Variants in LINGO1 observed in about 807,000 individuals in gnomAD.
LINGO1 encodes the protein leucine-rich repeat and immunoglobulin-like domain-containing nogo receptor-interacting protein 1.
A neutral mutation model predicts 37.3 loss-of-function variants in LINGO1; 11 were observed. The ratio of observed to expected loss-of-function variants is 0.29; its 90% CI spans 0.19 to 0.49. The LOEUF is 0.49. Ranked by LOEUF, LINGO1 falls within the 20% of genes least tolerant of loss-of-function variation. LINGO1 has a pLI of 0.99. For missense variants in LINGO1, 585 were observed against 878.2 expected (o/e 0.67, Z 4.22); for synonymous variants, 387 against 403.0 (o/e 0.96, Z 0.48).
At chr15:77,727,090 T>A (rs2076109859) in intron 2 of LINGO1, among the ~76,000 whole-genome samples, 1 of 152,182 alleles carries the variant, frequency 6.6e-6, no homozygotes, top group Admixed American at 6.5e-5. Flanking sequence ...AAATAAGTAT[T>A]TGCAAGGACA....
intron 3 of LINGO1, among the ~76,000 whole-genome samples, chr15:77,646,988 A>C (rs1283847900): frequency 1.3e-5 from 2 of 151,576 alleles, no homozygotes; most frequent in Non-Finnish European, 2.9e-5. Flanking sequence ...GGGGAGGCTA[A>C]GGAGCTTGCC....
chr15:77,710,658 C>T (rs915396839), intron 2 of LINGO1, among the ~76,000 whole-genome samples: 5 of 152,218 alleles, frequency 3.3e-5, no homozygotes, highest in Admixed American at 1.3e-4. Context: ...CACTTTGCCG[C>T]GGTGCTGGCT....
At chr15:77,634,514 A>C (rs1269897191), upstream of LINGO1, among the ~76,000 whole-genome samples, 1 of 152,202 alleles carries the variant, frequency 6.6e-6, no homozygotes, top group Non-Finnish European at 1.5e-5. Context: ...GAGGGAGGGA[A>C]GCCCAGGCCC....
intron 2 of LINGO1, among the ~76,000 whole-genome samples, chr15:77,684,810 G>A (rs2141235932): frequency 6.6e-6 from 1 of 152,308 alleles, no homozygotes; most frequent in South Asian, 2.1e-4. Flanking sequence ...AGGCCCAGGG[G>A]GCAACTGGCC....
In LINGO1 at chr15:77,614,353, C is replaced by T. The variant is rs752863937; in HGVS notation, c.1554G>A (p.Ser518=). The change falls in exon 2 of 2, where the codon TCG becomes TCA. Residue 518 remains serine (S), a synonymous_variant. Transcript: ENST00000355300. The part of the protein sequence containing the change: ...MPAHLHVRSY[S]PDWPHQPNKT... ...TGTTGGGCTGATGGGGCCAGTCGGG[C>T]GAGTAGCTGCGCACATGCAGGTGGG... The T allele has an allele frequency of 1.1e-5, 17 of 1,613,718 alleles. No individual in the cohort carries two copies. The East Asian group carries it at 1.8e-4, about 17-fold the overall frequency.
At chr15:77,693,083 C>A (rs867288322) in intron 1 of LINGO1, among the ~76,000 whole-genome samples, 2 of 152,344 alleles carry the variant, frequency 1.3e-5, no homozygotes, top group African/African-American at 4.8e-5. Context: ...CGTGCACACA[C>A]ACACACGCAC....
intron 1 of LINGO1, among the ~76,000 whole-genome samples, chr15:77,623,474 A>G (rs2073985974): frequency 6.6e-6 from 1 of 152,214 alleles, no homozygotes; most frequent in Non-Finnish European, 1.5e-5. Flanking sequence ...GGAGCTGCTA[A>G]TGGGAGAAAT....
chr15:77,747,451 C>G (rs1356292555), intron 1 of LINGO1, among the ~76,000 whole-genome samples: 1 of 152,234 alleles, frequency 6.6e-6, no homozygotes, highest in African/African-American at 2.4e-5. Context: ...AATCACTCCC[C>G]CTGCAAGCCT....
intron 1 of LINGO1, among the ~76,000 whole-genome samples, chr15:77,777,116 T>G (rs2076664041): frequency 6.6e-6 from 1 of 152,216 alleles, no homozygotes; most frequent in Admixed American, 6.5e-5. Flanking sequence ...GCTCAGGAGC[T>G]GGGCCTGCCA....
intron 2 of LINGO1, among the ~76,000 whole-genome samples, chr15:77,687,402 A>G (rs1430430312): frequency 6.6e-6 from 1 of 152,056 alleles, no homozygotes; most frequent in Non-Finnish European, 1.5e-5. Flanking sequence ...ACTCTCTACC[A>G]CCTTACCCAG....
At chr15:77,752,115 G>C (rs928016610) in intron 1 of LINGO1, among the ~76,000 whole-genome samples, 1 of 152,182 alleles carries the variant, frequency 6.6e-6, no homozygotes, top group Admixed American at 6.5e-5. Flanking sequence ...GTTACCCCAT[G>C]CTGCACCTGT....
At chr15:77,664,130 AGT>A (rs774494605) in intron 3 of LINGO1, among the ~76,000 whole-genome samples, 2,508 of 130,288 alleles carry the variant, frequency 0.019, 36 homozygotes, top group South Asian at 0.032. Context: ...ACACAGGAGC[AGT>A]GTGTGTGTGT....
chr15:77,715,149 G>T, intron 2 of LINGO1, among the ~76,000 whole-genome samples: 1 of 152,136 alleles, frequency 6.6e-6, no homozygotes, highest in Non-Finnish European at 1.5e-5. Flanking sequence ...GTGGCAATGC[G>T]ACACTTCATG....
rs752863937 is a variant in LINGO1, at chr15:77,614,353, C to A, written c.1554G>T (p.Ser518=). The change falls in exon 2 of 2, where the codon TCG becomes TCT. Residue 518 remains serine (S), a synonymous_variant. Transcript: ENST00000355300. The part of the protein sequence containing the change: ...MPAHLHVRSY[S]PDWPHQPNKT... ...TGTTGGGCTGATGGGGCCAGTCGGG[C>A]GAGTAGCTGCGCACATGCAGGTGGG... 6.2e-7 allele frequency: 1 copy of A among 1,613,836 alleles called. No homozygotes were observed. Among genetic ancestry groups the A allele is most frequent in the East Asian group, 2.2e-5 (1 of 44,882 alleles).
At chr15:77,623,604 G>T (rs892194160) in intron 1 of LINGO1, among the ~76,000 whole-genome samples, 2 of 152,184 alleles carry the variant, frequency 1.3e-5, no homozygotes, top group Non-Finnish European at 2.9e-5. Context: ...AGAAAGCCTG[G>T]CGGACTGCGC....
intron 2 of LINGO1, among the ~76,000 whole-genome samples, chr15:77,726,612 C>A (rs753169328): frequency 2.0e-5 from 3 of 152,218 alleles, no homozygotes; most frequent in Non-Finnish European, 4.4e-5. Context: ...GGTGAAAGAC[C>A]TAAACACAAA....
intron 1 of LINGO1, among the ~76,000 whole-genome samples, chr15:77,764,863 T>C (rs1225407823): frequency 1.3e-5 from 2 of 152,104 alleles, no homozygotes; most frequent in Non-Finnish European, 2.9e-5. Flanking sequence ...ACAGCAGCCA[T>C]GTTTGTAAGA....
intron 1 of LINGO1, among the ~76,000 whole-genome samples, chr15:77,818,446 A>G (rs1362952146): frequency 2.0e-5 from 3 of 152,168 alleles, no homozygotes; most frequent in East Asian, 3.9e-4. Context: ...CACAACCTCA[A>G]TGTAGAGTGA....
intron 3 of LINGO1, among the ~76,000 whole-genome samples, chr15:77,645,959 G>A (rs534236766): frequency 6.6e-6 from 1 of 151,938 alleles, no homozygotes; most frequent in Admixed American, 6.5e-5. Flanking sequence ...CCCAGGGTGA[G>A]TCCTGTGATG....
Sources: allele counts gnomAD v4.1 joint callset (sites outside exome capture counted in the v4.1 genomes callset), GRCh38; gene constraint gnomAD v4.1.1; transcripts MANE v1.5; gene names NCBI Gene and HGNC (gene_info 2026-07-23, HGNC 2026-07-21).